Variants in TRPM7 observed in about 807,000 individuals in gnomAD.
TRPM7 encodes transient receptor potential cation channel subfamily M member 7.
Under a neutral mutation model 229.7 loss-of-function variants are expected in TRPM7, and 134 were observed. The ratio of observed to expected loss-of-function variants is 0.58; its 90% CI spans 0.51 to 0.67. The LOEUF (loss-of-function observed/expected upper bound fraction) is 0.67. TRPM7 is among the 30% of genes least tolerant of loss of function. The pLI, the probability that TRPM7 is intolerant of heterozygous loss-of-function variation, is 0.00. For synonymous variants in TRPM7, 699 were observed against 715.2 expected, an observed-to-expected ratio of 0.98 and a Z score of 0.36; for missense variants, 1,901 against 2,210.0, an observed-to-expected ratio of 0.86 and a Z score of 2.80.
At chr15:50,616,964 T>C (rs1263868836) in intron 13 of TRPM7, among the ~76,000 whole-genome samples, 1 of 151,956 alleles carries the variant, frequency 6.6e-6, no homozygotes, top group African/African-American at 2.4e-5. Context: ...AATTTTGTAA[T>C]TTGTGAAATG....
At chr15:50,668,409 C>T (rs1447888092) in intron 1 of TRPM7, among the ~76,000 whole-genome samples, 1 of 152,156 alleles carries the variant, frequency 6.6e-6, no homozygotes, top group Non-Finnish European at 1.5e-5. Flanking sequence ...AAGTATACTC[C>T]TGTGGACAAA....
intron 2 of TRPM7, among the ~76,000 whole-genome samples, chr15:50,662,735 A>G (rs927838280): frequency 2.0e-5 from 3 of 152,198 alleles, no homozygotes; most frequent in African/African-American, 7.2e-5. Flanking sequence ...ATGGAGGAAC[A>G]CTTCAAGGAA....
Position 50,576,584 on chromosome 15 carries a change from C to T in TRPM7, c.4619-665G>A, listed in dbSNP as rs138652288. ...ACCTAATGCCTTTTGGTTGAGAAGA[C>T]GTCAAAGCTATCTCAGAGTAAGAGA... On this transcript the variant is annotated intron_variant, in intron 31 of 38. Coordinates refer to ENST00000646667, the MANE Select transcript of TRPM7 (RefSeq NM_017672.6). Among the ~76,000 whole-genome samples, 13 of 152,230 alleles carry T rather than the reference C, an allele frequency of 8.5e-5. No homozygotes were observed. In the East Asian group the frequency reaches 1.9e-3, roughly 23 times the overall value.
At chr15:50,620,694 G>A (rs1026846661) in intron 12 of TRPM7, among the ~76,000 whole-genome samples, 1 of 152,118 alleles carries the variant, frequency 6.6e-6, no homozygotes, top group Non-Finnish European at 1.5e-5. Flanking sequence ...ACTTTGGGAG[G>A]CAGAAGCGGG....
intron 29 of TRPM7, among the ~76,000 whole-genome samples, chr15:50,581,727 G>C (rs929633221): frequency 6.6e-6 from 1 of 151,924 alleles, no homozygotes; most frequent in Non-Finnish European, 1.5e-5. Context: ...CATTCTGCCC[G>C]AATTTGAATC....
chr15:50,637,001 C>A (rs2140715976), intron 7 of TRPM7, among the ~76,000 whole-genome samples: 1 of 152,160 alleles, frequency 6.6e-6, no homozygotes, highest in South Asian at 2.1e-4. Context: ...TAGCGGGCAC[C>A]TGTAGTCCTA....
chr15:50,678,304 T>C (rs2062146975), intron 1 of TRPM7, among the ~76,000 whole-genome samples: 1 of 150,100 alleles, frequency 6.7e-6, no homozygotes, highest in Non-Finnish European at 1.5e-5. Context: ...AATTCAGAGT[T>C]ATGTGATAAA....
intron 28 of TRPM7, 96 bp downstream of exon 28, chr15:50,586,296 C>T (rs2059340991): frequency 1.3e-6 from 1 of 776,026 alleles, no homozygotes; most frequent in Non-Finnish European, 2.1e-6. Flanking sequence ...CTGACTCCTG[C>T]ACCATTCACT....
chr15:50,591,749 C>T (rs1381014056), intron 26 of TRPM7, among the ~76,000 whole-genome samples, 162 bp downstream of exon 26: 1 of 152,168 alleles, frequency 6.6e-6, no homozygotes, highest in Admixed American at 6.5e-5. Flanking sequence ...CCTCCCCACT[C>T]AGCCTCCCAA....
chr15:50,565,604 A>C lies in TRPM7; in HGVS notation c.5468-3796T>G, dbSNP rs1354886989. 2.0e-5 allele frequency among the ~76,000 whole-genome samples: 3 copies of C among 152,198 alleles called. 1 individual carries two copies. In the Middle Eastern group the frequency reaches 9.5e-3, roughly 482 times the overall value. On this transcript the variant is annotated intron_variant, in intron 38 of 38. Transcript: ENST00000646667. ...ACGCCTCAAAACACATGAAGGAAAA[A>C]CTGACAGAACTGAAAAGCAAGACAG...
At chr15:50,675,035 A>G (rs1033363717) in intron 1 of TRPM7, among the ~76,000 whole-genome samples, 1 of 152,154 alleles carries the variant, frequency 6.6e-6, no homozygotes, top group Non-Finnish European at 1.5e-5. Flanking sequence ...ACATAATGAC[A>G]TTAGCATGTT....
At chr15:50,578,710 A>G in intron 30 of TRPM7, 46 bp from the exon 31 acceptor site, 1 of 1,420,328 alleles carries the variant, frequency 7.0e-7, no homozygotes, top group Non-Finnish European at 9.4e-7. Flanking sequence ...CTATGATTTA[A>G]GTTTTGGCTA....
chr15:50,594,861 A>C (rs2059594370), intron 23 of TRPM7, among the ~76,000 whole-genome samples: 1 of 152,164 alleles, frequency 6.6e-6, no homozygotes, highest in Admixed American at 6.6e-5. Context: ...GTAAGACATA[A>C]GAAAATACTC....
At chr15:50,565,430 A>C (rs1294109796) in intron 38 of TRPM7, among the ~76,000 whole-genome samples, 1 of 152,230 alleles carries the variant, frequency 6.6e-6, no homozygotes, top group Non-Finnish European at 1.5e-5. Context: ...AACATTAATC[A>C]AAAGATAGCT....
At chr15:50,664,308 CAAAAAAAAA>C (rs36108092) in intron 1 of TRPM7, among the ~76,000 whole-genome samples, 1 of 58,926 alleles carries the variant, frequency 1.7e-5, no homozygotes. Context: ...GACTCCGTCT[CAAAAAAAAA>C]AAAAAAAAAA....
chr15:50,678,506 TAA>T (rs10553093), intron 1 of TRPM7, among the ~76,000 whole-genome samples: 30,608 of 127,658 alleles, frequency 0.24, 3,582 homozygotes, highest in East Asian at 0.36. Flanking sequence ...TTCCATTCTT[TAA>T]AAAAAAAAAA....
At chr15:50,663,506 A>C (rs774059418) in intron 1 of TRPM7, among the ~76,000 whole-genome samples, 6 of 152,308 alleles carry the variant, frequency 3.9e-5, no homozygotes, top group Non-Finnish European at 8.8e-5. Flanking sequence ...CCAAAACGTC[A>C]GAATAATTCC....
chr15:50,568,093 A>C (rs1467219885), intron 38 of TRPM7, among the ~76,000 whole-genome samples: 1 of 145,854 alleles, frequency 6.9e-6, no homozygotes, highest in East Asian at 2.0e-4. Context: ...AAAAAAAAAA[A>C]AGAGCGAGAC....
chr15:50,566,221 T>C (rs1418778455), intron 38 of TRPM7, among the ~76,000 whole-genome samples: 4 of 152,148 alleles, frequency 2.6e-5, no homozygotes, highest in Admixed American at 6.5e-5. Context: ...ATTAAAGACA[T>C]TTGTAAAATT....
Sources: gnomAD v4.1 joint callset for allele counts (sites outside exome capture counted in the v4.1 genomes callset) on GRCh38, gnomAD v4.1.1 for gene constraint, MANE v1.5 for transcripts, NCBI Gene and HGNC (gene_info 2026-07-23, HGNC 2026-07-21) for gene names.